The following MGAT4C variants were observed in gnomAD, a reference collection of about 807,000 sequenced individuals.
The protein encoded by MGAT4C is alpha-1,3-mannosyl-glycoprotein 4-beta-N-acetylglucosaminyltransferase C.
A neutral mutation model predicts 40.1 loss-of-function variants in MGAT4C; 19 were observed. That is an observed-to-expected ratio of 0.47 (90% CI 0.33 to 0.70). The LOEUF is 0.70. Among genes scored for constraint, MGAT4C ranks in the 30% least tolerant of loss-of-function variants. The pLI is 0.02. For missense variants in MGAT4C, 491 were observed against 563.2 expected (o/e 0.87, Z 1.30); for synonymous variants, 181 against 187.1 (o/e 0.97, Z 0.27).
At chr12:86,072,540 C>T (rs1337808682) in intron 1 of MGAT4C, among the ~76,000 whole-genome samples, 15 of 152,022 alleles carry the variant, frequency 9.9e-5, no homozygotes, top group Admixed American at 9.2e-4. Context: ...ACAAGTCAAA[C>T]AGATGCATTT....
chr12:86,006,968 T>C (rs755468091), intron 2 of MGAT4C, among the ~76,000 whole-genome samples: 1 of 152,126 alleles, frequency 6.6e-6, no homozygotes, highest in Non-Finnish European at 1.5e-5. Context: ...TTATCAGTAA[T>C]AAGGGTCATG....
chr12:86,649,641 T>C (rs1241856148), intron 2 of MGAT4C, among the ~76,000 whole-genome samples: 1 of 151,848 alleles, frequency 6.6e-6, no homozygotes, highest in Non-Finnish European at 1.5e-5. Context: ...TGGGTGTTTT[T>C]AAGCTTATCC....
intron 2 of MGAT4C, among the ~76,000 whole-genome samples, chr12:86,582,293 A>G (rs1052903320): frequency 6.6e-6 from 1 of 151,326 alleles, no homozygotes; most frequent in African/African-American, 2.4e-5. Flanking sequence ...ATAACTTTGA[A>G]TGTGAAATGA....
chr12:86,155,921 A>G (rs1376544749), intron 1 of MGAT4C, among the ~76,000 whole-genome samples: 3 of 152,110 alleles, frequency 2.0e-5, no homozygotes, highest in East Asian at 3.9e-4. Flanking sequence ...TAACTTACAC[A>G]TTTGCTGTTG....
At chr12:86,032,612 T>C (rs2136909648) in intron 2 of MGAT4C, among the ~76,000 whole-genome samples, 1 of 149,880 alleles carries the variant, frequency 6.7e-6, no homozygotes, top group African/African-American at 2.4e-5. Flanking sequence ...AATGGGGTTG[T>C]TTGTTTTTTG....
At chr12:86,774,281 C>CTTTTTCTTTCTTTCTTTCTT (rs1951692302) in intron 1 of MGAT4C, among the ~76,000 whole-genome samples, 1 of 58,934 alleles carries the variant, frequency 1.7e-5, no homozygotes, top group Admixed American at 1.9e-4. Context: ...CTAAGGCTTG[C>CTTTTTCTTTCTTTCTTTCTT]TCTTTCTTTC....
At chr12:86,326,095 AT>A (rs1242899783) in intron 4 of MGAT4C, among the ~76,000 whole-genome samples, 1 of 152,002 alleles carries the variant, frequency 6.6e-6, no homozygotes, top group East Asian at 1.9e-4. Context: ...ATAATATTTT[AT>A]TTTACATAAT....
chr12:86,802,577 A>C (rs1398964642), intron 1 of MGAT4C, among the ~76,000 whole-genome samples: 1 of 151,992 alleles, frequency 6.6e-6, no homozygotes, highest in Non-Finnish European at 1.5e-5. Context: ...CTCAGGATAC[A>C]AAATCAGTGT....
Position 85,977,780 on chromosome 12 carries a change from T to TCACACACACA in MGAT4C, c.*1499_*1508dup, listed in dbSNP as rs58212652. On this transcript the variant is annotated 3_prime_UTR_variant, in exon 5 of 5. Coordinates refer to ENST00000611864, the MANE Select transcript of MGAT4C (RefSeq NM_001351288.2). ...TGTCTTACCAGCAAAAGTCTAGCCT[T>TCACACACACA]CACACACACACACACACACACACAC... The TCACACACACA allele has an allele frequency of 1.6e-5, 2 of 128,464 alleles. No homozygotes were observed. Among genetic ancestry groups the TCACACACACA allele is most frequent in the Non-Finnish European group, 3.3e-5 (2 of 60,792 alleles). The allele number at this position is 128,464 out of a possible 1,614,324, so 8.0% of individuals were successfully genotyped here.
At chr12:86,797,231 T>C (rs1477191824) in intron 1 of MGAT4C, among the ~76,000 whole-genome samples, 1 of 151,878 alleles carries the variant, frequency 6.6e-6, no homozygotes, top group Non-Finnish European at 1.5e-5. Context: ...CCAGAAGTCA[T>C]AAGCAATTTC....
intron 1 of MGAT4C, among the ~76,000 whole-genome samples, chr12:86,237,030 T>C (rs1951583655): frequency 6.6e-6 from 1 of 150,746 alleles, no homozygotes; most frequent in African/African-American, 2.4e-5. Flanking sequence ...ATATGTGTAT[T>C]CCATCTCTAA....
Position 85,966,068 on chromosome 12 carries a change from TA to T in MGAT4C, c.*13220del, listed in dbSNP as rs1883348570. 1 of 152,166 alleles carries T rather than the reference TA, an allele frequency of 6.6e-6. No individual in the cohort carries two copies. The highest frequency in any genetic ancestry group is 2.1e-4 in the South Asian group (1 of 4,830). The allele number at this position is 152,166 out of a possible 1,614,324, so 9.4% of individuals were successfully genotyped here. A position where few individuals can be genotyped will look rare whatever the true frequency, so the allele number is the denominator to read the frequency against. On this transcript the variant is annotated 3_prime_UTR_variant, in exon 5 of 5. Transcript: ENST00000611864. ...TTTCCTATTATGAGACATTTTATATTATGGTTATTTACTGTAATTGCATCCA... is the reference window on the plus strand; with the variant it reads ...TTTCCTATTATGAGACATTTTATATTTGGTTATTTACTGTAATTGCATCCA...
At chr12:86,463,839 G>C (rs76462868) in intron 2 of MGAT4C, among the ~76,000 whole-genome samples, 4,161 of 152,068 alleles carry the variant, frequency 0.027, 159 homozygotes, top group African/African-American at 0.087. Context: ...TTCTACTGGG[G>C]ATATTGTCTA....
intron 2 of MGAT4C, among the ~76,000 whole-genome samples, chr12:86,523,393 T>C (rs1236550677): frequency 1.3e-5 from 2 of 152,156 alleles, no homozygotes; most frequent in Non-Finnish European, 2.9e-5. Context: ...CATGTAAACA[T>C]ATGGTTTTGA....
intron 2 of MGAT4C, among the ~76,000 whole-genome samples, chr12:86,467,883 T>C (rs1364962629): frequency 1.3e-5 from 2 of 152,092 alleles, no homozygotes; most frequent in Non-Finnish European, 2.9e-5. Context: ...ACATGGTAGA[T>C]TGACAAATAT....
At chr12:86,684,752 T>C (rs1565924118) in intron 2 of MGAT4C, among the ~76,000 whole-genome samples, 3 of 152,202 alleles carry the variant, frequency 2.0e-5, no homozygotes, top group Admixed American at 6.5e-5. Context: ...TATCTCATTG[T>C]GGTTCTGATT....
chr12:86,132,357 C>T (rs1036631871), intron 1 of MGAT4C, among the ~76,000 whole-genome samples: 3 of 147,548 alleles, frequency 2.0e-5, no homozygotes, highest in African/African-American at 5.3e-5. Context: ...AGTGTTTAGA[C>T]GATTCTCTTT....
intron 1 of MGAT4C, among the ~76,000 whole-genome samples, chr12:86,197,919 G>A (rs1459679264): frequency 2.0e-5 from 3 of 151,962 alleles, no homozygotes; most frequent in African/African-American, 7.2e-5. Context: ...ATAATTTATA[G>A]CTTAAGAGAG....
chr12:86,143,236 A>G (rs757088067), intron 1 of MGAT4C, among the ~76,000 whole-genome samples: 5 of 152,224 alleles, frequency 3.3e-5, no homozygotes, highest in Non-Finnish European at 5.9e-5. Flanking sequence ...TAGTGAAGCC[A>G]GATGACACAG....
Sources: gnomAD v4.1 joint callset for allele counts (sites outside exome capture counted in the v4.1 genomes callset) on GRCh38, gnomAD v4.1.1 for gene constraint, MANE v1.5 for transcripts, NCBI Gene and HGNC (gene_info 2026-07-23, HGNC 2026-07-21) for gene names.